Variants in NXPE3 observed in about 807,000 individuals in gnomAD.
NXPE3 encodes the protein neurexophilin and PC-esterase domain family member 3.
A neutral mutation model predicts 46.1 loss-of-function variants in NXPE3; 26 were observed. The ratio of observed to expected loss-of-function variants is 0.56; its 90% CI spans 0.41 to 0.78. The LOEUF is 0.78. Among genes scored for constraint, NXPE3 ranks in the 30% least tolerant of loss-of-function variants. The probability of loss-of-function intolerance (pLI) is 0.00; values close to 1 mark genes in which losing one functional copy is unlikely to be tolerated. For missense variants in NXPE3, 620 were observed against 686.0 expected, an observed-to-expected ratio of 0.90 and a Z score of 1.07; for synonymous variants, 272 against 257.9, an observed-to-expected ratio of 1.05 and a Z score of -0.52.
intron 4 of NXPE3, among the ~76,000 whole-genome samples, chr3:101,796,988 T>C (rs971304616): frequency 6.6e-6 from 1 of 152,180 alleles, no homozygotes; most frequent in South Asian, 2.1e-4. Flanking sequence ...GTTTAACCAA[T>C]TGCATAACGT....
At chr3:101,811,358 G>A (rs537532648) in intron 6 of NXPE3, among the ~76,000 whole-genome samples, 2 of 152,308 alleles carry the variant, frequency 1.3e-5, no homozygotes, top group Non-Finnish European at 2.9e-5. Context: ...TGAACATTTA[G>A]AACATATAGG....
At position 101,821,729 on chromosome 3, in the gene NXPE3, CGCCCAAGA is replaced by C; in HGVS notation, c.1458_1465del (p.Gln487GlyfsTer3). The C allele has an allele frequency of 6.2e-7, 1 of 1,614,222 alleles. No individual in the cohort carries two copies. The highest frequency in any genetic ancestry group is 1.1e-5 in the South Asian group (1 of 91,084). ...CCGTGGTGGTCATCCGGACGGCCAA[CGCCCAAGA>C]GCTGGGACCTGAGGTGAGCCTTTTC... On this transcript the variant is annotated frameshift_variant, in exon 8 of 8. Transcript: ENST00000273347. LOFTEE classifies it high-confidence loss of function.
intron 4 of NXPE3, among the ~76,000 whole-genome samples, chr3:101,789,065 G>C (rs886647750): frequency 6.6e-6 from 1 of 152,054 alleles, no homozygotes. Context: ...TGAAGAACCA[G>C]CTTTTGATTT....
intron 6 of NXPE3, among the ~76,000 whole-genome samples, chr3:101,812,146 T>C (rs533018087): frequency 5.3e-5 from 8 of 152,206 alleles, no homozygotes; most frequent in Non-Finnish European, 1.0e-4. Context: ...TGAGACCTCA[T>C]CTGATGTTGA....
intron 7 of NXPE3, among the ~76,000 whole-genome samples, chr3:101,820,745 TATTATCTTTAGC>T (rs1374475123): frequency 6.6e-6 from 1 of 152,202 alleles, no homozygotes; most frequent in Non-Finnish European, 1.5e-5. Flanking sequence ...AGCTGGAGGC[TATTATCTTTAGC>T]AAACTAACAC....
At chr3:101,791,032 G>A (rs1267081271) in intron 4 of NXPE3, among the ~76,000 whole-genome samples, 1 of 152,156 alleles carries the variant, frequency 6.6e-6, no homozygotes, top group East Asian at 1.9e-4. Flanking sequence ...GGGGGTTTGT[G>A]TACATATTAT....
At position 101,816,791 on chromosome 3, in the gene NXPE3, G is replaced by T. The variant is rs1477589704; in HGVS notation, c.923-4G>T. Reference sequence around the variant, plus strand: ...AAATATTTGTTTTTCTTTTTTCTTTGCAGAAACTAACAGTCTAGAACTATC... The same window carrying T: ...AAATATTTGTTTTTCTTTTTTCTTTTCAGAAACTAACAGTCTAGAACTATC... On this transcript the variant is annotated splice_region_variant and splice_polypyrimidine_tract_variant and intron_variant, in intron 6 of 7. Transcript: ENST00000273347. 4 of 1,592,294 alleles carry T rather than the reference G, an allele frequency of 2.5e-6. No homozygotes were observed. The highest frequency in any genetic ancestry group is 1.8e-5 in the Admixed American group (1 of 55,998).
intron 5 of NXPE3, among the ~76,000 whole-genome samples, chr3:101,805,533 G>T (rs535926691): frequency 1.3e-5 from 2 of 152,014 alleles, no homozygotes; most frequent in South Asian, 4.2e-4. Flanking sequence ...TGACTTCCTG[G>T]GGTCAAGTGA....
intron 7 of NXPE3, among the ~76,000 whole-genome samples, chr3:101,820,623 A>G (rs1560068990): frequency 6.6e-6 from 1 of 152,214 alleles, no homozygotes; most frequent in Non-Finnish European, 1.5e-5. Flanking sequence ...CGTGGAATCA[A>G]CCTAAATGCC....
intron 6 of NXPE3, among the ~76,000 whole-genome samples, chr3:101,811,111 C>T (rs1030479990): frequency 2.6e-4 from 40 of 152,244 alleles, no homozygotes; most frequent in Middle Eastern, 6.8e-3. Flanking sequence ...GTGAGCCACG[C>T]GCCCGGCCTT....
intron 7 of NXPE3, among the ~76,000 whole-genome samples, chr3:101,818,716 TATATATATATATATATATA>T (rs1216200514): frequency 2.7e-5 from 1 of 37,610 alleles, no homozygotes; most frequent in Non-Finnish European, 4.1e-5. Context: ...TATGACAATT[TATATATATATATATATATA>T]TATATATATA....
In NXPE3 at chr3:101,818,744, TATATATATA is replaced by T. The variant is rs1444018129; in HGVS notation, c.1129+1744_1129+1752del. Among the ~76,000 whole-genome samples the T allele has an allele frequency of 4.4e-3, 133 of 30,208 alleles. 4 individuals carry two copies. The highest frequency in any genetic ancestry group is 6.5e-3 in the South Asian group (4 of 612). 19.8% of individuals were successfully genotyped at this position (30,208 alleles called of 152,430 possible). On this transcript the variant is annotated intron_variant, in intron 7 of 7. Transcript: ENST00000273347. ...ATATATATATATATATATATATATA[TATATATATA>T]TTTTTTTTTTTTTTTTTTTTTTTTT...
intron 4 of NXPE3, among the ~76,000 whole-genome samples, chr3:101,799,050 T>A (rs1940997734): frequency 6.6e-6 from 1 of 152,134 alleles, no homozygotes; most frequent in South Asian, 2.1e-4. Context: ...TCTTCCCAGC[T>A]CAGCCTTCCG....
At chr3:101,784,426 T>A (rs1940027262) in intron 3 of NXPE3, among the ~76,000 whole-genome samples, 1 of 152,098 alleles carries the variant, frequency 6.6e-6, no homozygotes, top group East Asian at 1.9e-4. Context: ...GTCATTGTGG[T>A]TGGGACTGGT....
At chr3:101,792,228 T>TATA (rs1940560878) in intron 4 of NXPE3, among the ~76,000 whole-genome samples, 1 of 152,228 alleles carries the variant, frequency 6.6e-6, no homozygotes, top group African/African-American at 2.4e-5. Flanking sequence ...TTTACTCTAT[T>TATA]GATAGTATCT....
rs1941183052 is a variant in NXPE3 at position 101,801,950 on chromosome 3, A to C, written c.809A>C (p.Lys270Thr). 1.9e-6 allele frequency: 3 copies of C among 1,613,216 alleles called. 1 individual carries two copies. In the Admixed American group the frequency reaches 5.0e-5, roughly 27 times the overall value. ...ACCCATTTCAAAGGTGGATACCTGA[A>C]AGGTCTCCTAACCGCTGCAGAGAGT... ...RITHFKGGYL[K>T]GLLTAAESAF... Residue 270 changes from lysine to threonine, a missense_variant, in exon 5 of 8, where the codon AAA becomes ACA. Transcript: ENST00000273347.
intron 3 of NXPE3, among the ~76,000 whole-genome samples, chr3:101,783,069 CT>C (rs1168759412): frequency 4.7e-5 from 7 of 149,574 alleles, no homozygotes; most frequent in South Asian, 2.1e-4. Context: ...TATATCTTTT[CT>C]TTTTTTTTTG....
intron 4 of NXPE3, among the ~76,000 whole-genome samples, chr3:101,798,336 A>C (rs1940948244): frequency 6.6e-6 from 1 of 152,076 alleles, no homozygotes; most frequent in African/African-American, 2.4e-5. Flanking sequence ...AGTATCCAGC[A>C]CATAAGTGAT....
chr3:101,804,606 G>C (rs967806979), intron 5 of NXPE3, among the ~76,000 whole-genome samples: 11 of 152,150 alleles, frequency 7.2e-5, no homozygotes, highest in Non-Finnish European at 2.9e-5. Flanking sequence ...TTTTTTGGGG[G>C]ATCTTTGGGT....
Sources: allele counts gnomAD v4.1 joint callset (sites outside exome capture counted in the v4.1 genomes callset), GRCh38; gene constraint gnomAD v4.1.1; transcripts MANE v1.5; gene names NCBI Gene and HGNC (gene_info 2026-07-23, HGNC 2026-07-21).